PDE1C: variants seen among roughly 807,000 people sequenced by gnomAD.
PDE1C encodes phosphodiesterase 1C.
Under a neutral mutation model 93.1 loss-of-function variants are expected in PDE1C, and 62 were observed. That is an observed-to-expected ratio of 0.67 (90% confidence interval 0.54 to 0.82). The LOEUF (loss-of-function observed/expected upper bound fraction) is 0.82, where lower values mean the gene tolerates loss of function less well. Ranked by LOEUF, PDE1C falls within the 40% of genes least tolerant of loss-of-function variation. The pLI is 0.00. For missense variants in PDE1C, 742 were observed against 884.6 expected, an observed-to-expected ratio of 0.84 and a Z score of 2.04; for synonymous variants, 325 against 310.1, an observed-to-expected ratio of 1.05 and a Z score of -0.50.
At chr7:32,317,096 A>T (rs1783190477) in intron 1 of PDE1C, among the ~76,000 whole-genome samples, 1 of 152,250 alleles carries the variant, frequency 6.6e-6, no homozygotes, top group Non-Finnish European at 1.5e-5. Context: ...TCACAAGGAA[A>T]GTAGAACTGT....
the PDE1C span, among the ~76,000 whole-genome samples, chr7:31,674,550 C>CA: frequency 6.6e-6 from 1 of 151,962 alleles, no homozygotes; most frequent in Admixed American, 6.5e-5. Context: ...TAAATCCATG[C>CA]AATGTGTTGA....
chr7:32,075,909 G>A (rs1022794863), upstream of PDE1C, among the ~76,000 whole-genome samples: 5 of 152,074 alleles, frequency 3.3e-5, no homozygotes, highest in Admixed American at 6.6e-5. Context: ...GCCTCACCAC[G>A]CCACCTAGGA....
At chr7:31,899,632 A>G (rs1312706198) in intron 2 of PDE1C, among the ~76,000 whole-genome samples, 1 of 152,224 alleles carries the variant, frequency 6.6e-6, no homozygotes, top group African/African-American at 2.4e-5. Flanking sequence ...AATAAGAGAC[A>G]GGGTGGAAAA....
chr7:31,705,937 G>T, the PDE1C span, among the ~76,000 whole-genome samples: 1 of 143,958 alleles, frequency 6.9e-6, no homozygotes, highest in African/African-American at 2.6e-5. Flanking sequence ...TTTCTGGGGT[G>T]ATCAGTCCAG....
chr7:31,924,197 T>A (rs552827674), intron 2 of PDE1C, among the ~76,000 whole-genome samples: 21 of 152,342 alleles, frequency 1.4e-4, no homozygotes, highest in Non-Finnish European at 2.6e-4. Flanking sequence ...TGGATTTCCT[T>A]CATTCTCTTT....
intron 1 of PDE1C, among the ~76,000 whole-genome samples, chr7:32,247,172 A>G (rs1212081255): frequency 6.6e-6 from 1 of 152,252 alleles, no homozygotes; most frequent in Non-Finnish European, 1.5e-5. Context: ...AGGTGTCAGC[A>G]TACGCAAAGG....
At chr7:31,804,365 G>A (rs1786505083) in intron 16 of PDE1C, among the ~76,000 whole-genome samples, 1 of 151,774 alleles carries the variant, frequency 6.6e-6, no homozygotes, top group Non-Finnish European at 1.5e-5. Flanking sequence ...TGACTTGTGT[G>A]AGCATCAGGA....
At chr7:32,255,987 A>AGG (rs1051411218) in intron 1 of PDE1C, among the ~76,000 whole-genome samples, 3 of 152,232 alleles carry the variant, frequency 2.0e-5, no homozygotes, top group African/African-American at 7.2e-5. Flanking sequence ...AACTGTGTGC[A>AGG]GGGGGAGCAG....
At chr7:31,851,222 C>T (rs1390036712) in intron 7 of PDE1C, among the ~76,000 whole-genome samples, 1 of 152,190 alleles carries the variant, frequency 6.6e-6, no homozygotes, top group African/African-American at 2.4e-5. Context: ...TACTGGCTTT[C>T]TGCTCTATGC....
intron 3 of PDE1C, among the ~76,000 whole-genome samples, chr7:32,136,354 AT>A (rs1187733555): frequency 2.3e-4 from 31 of 135,324 alleles, no homozygotes; most frequent in South Asian, 8.7e-4. Context: ...TTATTTATTT[AT>A]TTTTGAGACG....
the PDE1C span, among the ~76,000 whole-genome samples, chr7:31,669,688 T>C: frequency 1.4e-4 from 21 of 152,310 alleles, no homozygotes; most frequent in African/African-American, 4.6e-4. Flanking sequence ...AGGGGTTATT[T>C]GCTTTGTGCA....
At chr7:31,702,628 T>C in the PDE1C span, among the ~76,000 whole-genome samples, 1 of 152,254 alleles carries the variant, frequency 6.6e-6, no homozygotes, top group East Asian at 1.9e-4. Context: ...CTTTTAGTAT[T>C]GTCTTTATTC....
the PDE1C span, among the ~76,000 whole-genome samples, chr7:31,690,410 CAT>C: frequency 6.6e-6 from 1 of 152,212 alleles, no homozygotes; most frequent in Non-Finnish European, 1.5e-5. Flanking sequence ...CAGAGAGGGA[CAT>C]ATGTTTCTGG....
chr7:31,721,261 T>C, the PDE1C span, among the ~76,000 whole-genome samples: 1 of 152,220 alleles, frequency 6.6e-6, no homozygotes, highest in South Asian at 2.1e-4. Context: ...TCCTGTTATC[T>C]TGGTGCTTAA....
At chr7:32,120,152 C>T (rs1799216835) in intron 3 of PDE1C, among the ~76,000 whole-genome samples, 1 of 152,218 alleles carries the variant, frequency 6.6e-6, no homozygotes, top group South Asian at 2.1e-4. Context: ...TCAGGCCTGA[C>T]CCTGACTCAT....
chr7:32,141,733 T>G (rs1800544695), intron 3 of PDE1C, among the ~76,000 whole-genome samples: 1 of 152,144 alleles, frequency 6.6e-6, no homozygotes, highest in Non-Finnish European at 1.5e-5. Flanking sequence ...AAAAGGACAT[T>G]GGTAGGGAAA....
In PDE1C at chr7:31,841,041, T is replaced by C. The variant is rs543418497; in HGVS notation, c.981-3070A>G. On this transcript the variant is annotated intron_variant, in intron 9 of 17. Coordinates refer to ENST00000396191, the MANE Select transcript of PDE1C (RefSeq NM_001191057.4). Reference sequence around the variant, plus strand: ...CCACTACATGATGACAGTATATCTCTCTATGTATTTAGTTCCTCTATAATC... The same window carrying C: ...CCACTACATGATGACAGTATATCTCCCTATGTATTTAGTTCCTCTATAATC... Among the ~76,000 whole-genome samples the C allele has an allele frequency of 3.1e-3, 469 of 152,224 alleles. 3 individuals carry two copies. Among genetic ancestry groups the C allele is most frequent in the African/African-American group, 0.011 (444 of 41,560 alleles).
intron 3 of PDE1C, chr7:32,169,685 A>G (rs1218524979): frequency 3.1e-6 from 3 of 974,334 alleles, no homozygotes; most frequent in Non-Finnish European, 4.9e-6. Flanking sequence ...GTGCAAAGAA[A>G]TGAAGTAATT....
chr7:31,669,723 G>A, the PDE1C span, among the ~76,000 whole-genome samples: 1 of 152,168 alleles, frequency 6.6e-6, no homozygotes, highest in African/African-American at 2.4e-5. Flanking sequence ...GCAGAGAATA[G>A]GTAGGCTTTG....
Sources: gnomAD v4.1 joint callset for allele counts (sites outside exome capture counted in the v4.1 genomes callset) on GRCh38, gnomAD v4.1.1 for gene constraint, MANE v1.5 for transcripts, NCBI Gene and HGNC (gene_info 2026-07-23, HGNC 2026-07-21) for gene names.